ATP8A2: variants seen among roughly 807,000 people sequenced by gnomAD.
The protein encoded by ATP8A2 is ATPase phospholipid transporting 8A2, also known as phospholipid-transporting ATPase IB.
A neutral mutation model predicts 165.6 loss-of-function variants in ATP8A2; 100 were observed. That is an observed-to-expected ratio of 0.60 (90% CI 0.51 to 0.71). ATP8A2 has a LOEUF of 0.71. Among genes scored for constraint, ATP8A2 ranks in the 30% least tolerant of loss-of-function variants. The pLI is 0.00. For synonymous variants in ATP8A2, 543 were observed against 548.8 expected (o/e 0.99, Z 0.15); for missense variants, 1,227 against 1,479.5 (o/e 0.83, Z 2.80).
At chr13:25,534,162 T>A (rs1456484220) in intron 6 of ATP8A2, 1 of 532,044 alleles carries the variant, frequency 1.9e-6, no homozygotes, top group East Asian at 5.4e-5. Context: ...AGTTTTCGTT[T>A]TACTTTACTT....
intron 2 of ATP8A2, among the ~76,000 whole-genome samples, chr13:25,483,781 A>T (rs1169863094): frequency 6.6e-6 from 1 of 152,230 alleles, no homozygotes; most frequent in Non-Finnish European, 1.5e-5. Context: ...TTAAGGCTGC[A>T]CTGTGTAAGA....
At chr13:25,478,639 G>A (rs996838250) in intron 2 of ATP8A2, among the ~76,000 whole-genome samples, 2 of 152,096 alleles carry the variant, frequency 1.3e-5, no homozygotes, top group African/African-American at 4.8e-5. Context: ...AAATGATTTG[G>A]GGTTGAGTTT....
At chr13:25,656,020 G>A (rs187496802) in intron 24 of ATP8A2, among the ~76,000 whole-genome samples, 16 of 152,270 alleles carry the variant, frequency 1.1e-4, no homozygotes, top group African/African-American at 3.6e-4. Context: ...CAACAAATGG[G>A]ATAGGAATTC....
At chr13:25,974,996 C>T (rs1044665790) in intron 35 of ATP8A2, among the ~76,000 whole-genome samples, 3 of 152,158 alleles carry the variant, frequency 2.0e-5, no homozygotes, top group African/African-American at 7.2e-5. Flanking sequence ...GCCTCTGCTT[C>T]TCTTCTCACG....
chr13:25,722,609 G>T (rs1417014104), intron 25 of ATP8A2, among the ~76,000 whole-genome samples: 1 of 152,108 alleles, frequency 6.6e-6, no homozygotes, highest in Admixed American at 6.5e-5. Flanking sequence ...TGCTGCTACA[G>T]AATTTATTAT....
chr13:25,529,929 T>C, intron 2 of ATP8A2, 70 bp from the exon 3 acceptor site: 1 of 868,222 alleles, frequency 1.2e-6, no homozygotes, highest in African/African-American at 1.7e-5. Context: ...TTTCTAAACT[T>C]CTTGTCCTGT....
At chr13:25,920,472 T>C (rs1057068242) in intron 33 of ATP8A2, among the ~76,000 whole-genome samples, 2 of 152,140 alleles carry the variant, frequency 1.3e-5, no homozygotes, top group African/African-American at 4.8e-5. Flanking sequence ...GCCCACTTCC[T>C]CCTCTGCCTG....
chr13:25,943,177 G>A (rs1379349565), intron 33 of ATP8A2, among the ~76,000 whole-genome samples: 1 of 152,122 alleles, frequency 6.6e-6, no homozygotes, highest in Non-Finnish European at 1.5e-5. Context: ...TCTCTCCAGA[G>A]ATTCTCAGAA....
At chr13:25,807,646 A>C (rs1206660003) in intron 27 of ATP8A2, among the ~76,000 whole-genome samples, 2 of 152,220 alleles carry the variant, frequency 1.3e-5, no homozygotes, top group African/African-American at 4.8e-5. Context: ...AAAATAGAGA[A>C]TGGAAAAGTA....
At chr13:25,449,092 G>A (rs1340329823) in intron 1 of ATP8A2, among the ~76,000 whole-genome samples, 1 of 152,082 alleles carries the variant, frequency 6.6e-6, no homozygotes, top group Non-Finnish European at 1.5e-5. Flanking sequence ...AACCAATTCT[G>A]ACTTTAATTT....
chr13:25,742,998 A>G (rs1475797507), intron 25 of ATP8A2, among the ~76,000 whole-genome samples: 1 of 151,980 alleles, frequency 6.6e-6, no homozygotes, highest in Non-Finnish European at 1.5e-5. Flanking sequence ...TATTGTGTCC[A>G]CCCAAAATTC....
chr13:25,862,290 T>G lies in ATP8A2; in HGVS notation c.3076-11T>G. On this transcript the variant is annotated splice_polypyrimidine_tract_variant and intron_variant, in intron 32 of 36. Transcript: ENST00000381655. ...CGAGAAGCCTGTCTGAGTGTCTATT[T>G]CCCTCTGCAGTTCAGTCATCTGGCT... is the stretch of plus-strand genomic sequence containing the variant. 6.2e-7 allele frequency: 1 copy of G among 1,610,516 alleles called. No homozygotes were observed. Among genetic ancestry groups the G allele is most frequent in the Non-Finnish European group, 8.5e-7 (1 of 1,176,898 alleles).
intron 24 of ATP8A2, among the ~76,000 whole-genome samples, chr13:25,628,826 C>CT (rs2041166934): frequency 6.6e-6 from 1 of 152,192 alleles, no homozygotes; most frequent in South Asian, 2.1e-4. Flanking sequence ...TGCAAAGACT[C>CT]TGTCTTCAGG....
chr13:25,709,639 A>G (rs2043121276), intron 25 of ATP8A2, among the ~76,000 whole-genome samples: 1 of 152,226 alleles, frequency 6.6e-6, no homozygotes, highest in Non-Finnish European at 1.5e-5. Context: ...CACATTGAGA[A>G]ATGAATTTTG....
At chr13:25,938,847 C>CTT (rs796202933) in intron 33 of ATP8A2, among the ~76,000 whole-genome samples, 14 of 144,524 alleles carry the variant, frequency 9.7e-5, no homozygotes, top group African/African-American at 2.8e-4. Flanking sequence ...TTCTCCTTTC[C>CTT]TTTTTTTTTT....
At chr13:25,747,686 A>G (rs1361031949) in intron 25 of ATP8A2, among the ~76,000 whole-genome samples, 1 of 152,162 alleles carries the variant, frequency 6.6e-6, no homozygotes, top group African/African-American at 2.4e-5. Context: ...GGATGTCAGG[A>G]TGTGTGCTTT....
chr13:25,728,133 T>C (rs1335947446), intron 25 of ATP8A2, among the ~76,000 whole-genome samples: 1 of 152,198 alleles, frequency 6.6e-6, no homozygotes, highest in Admixed American at 6.5e-5. Flanking sequence ...AAAAACCGGT[T>C]TTTATAGTCT....
rs112756992 is a variant in ATP8A2, at chr13:25,600,556, A to G, written c.2211+10857A>G. ...AGCCAGCGAGCCCTAGAGAGGCTTC[A>G]GGTCCATGCCCTGCAGCTTTGTTCC... On this transcript the variant is annotated intron_variant, in intron 24 of 36. Coordinates refer to ENST00000381655, the MANE Select transcript of ATP8A2 (RefSeq NM_016529.6). 4.1e-3 allele frequency among the ~76,000 whole-genome samples: 618 copies of G among 152,308 alleles called. 4 individuals carry two copies. The highest frequency in any genetic ancestry group is 0.014 in the African/African-American group (580 of 41,570).
chr13:25,931,807 G>A (rs1285561536), intron 33 of ATP8A2, among the ~76,000 whole-genome samples: 1 of 152,168 alleles, frequency 6.6e-6, no homozygotes. Flanking sequence ...AGCACTTTGG[G>A]AGGCCGAGGC....
Sources: allele counts gnomAD v4.1 joint callset (sites outside exome capture counted in the v4.1 genomes callset), GRCh38; gene constraint gnomAD v4.1.1; transcripts MANE v1.5; gene names NCBI Gene and HGNC (gene_info 2026-07-23, HGNC 2026-07-21).